The following TMEM132D variants were observed in gnomAD, a reference collection of about 807,000 sequenced individuals.
TMEM132D encodes the protein mature OL transmembrane protein.
TMEM132D carries 21 observed loss-of-function variants against 62.3 expected under a neutral mutation model. The ratio of observed to expected loss-of-function variants is 0.34; its 90% CI spans 0.24 to 0.49. The LOEUF (loss-of-function observed/expected upper bound fraction) is 0.49. TMEM132D is among the 20% of genes least tolerant of loss of function. The pLI, the probability that TMEM132D is intolerant of heterozygous loss-of-function variation, is 0.99. For synonymous variants in TMEM132D, 621 were observed against 575.6 expected, an observed-to-expected ratio of 1.08 and a Z score of -1.13; for missense variants, 1,346 against 1,402.8, an observed-to-expected ratio of 0.96 and a Z score of 0.65.
intron 5 of TMEM132D, among the ~76,000 whole-genome samples, chr12:129,195,590 G>C (rs577624513): frequency 6.6e-6 from 1 of 152,090 alleles, no homozygotes; most frequent in Non-Finnish European, 1.5e-5. Flanking sequence ...CACTTATCTG[G>C]TTCTAAATAG....
At chr12:129,460,186 A>T (rs917140923) in intron 3 of TMEM132D, among the ~76,000 whole-genome samples, 3 of 152,094 alleles carry the variant, frequency 2.0e-5, no homozygotes, top group African/African-American at 7.2e-5. Flanking sequence ...AGTGACCCCA[A>T]ATGTTAACTT....
At chr12:129,252,217 G>C (rs895783357) in intron 4 of TMEM132D, among the ~76,000 whole-genome samples, 2 of 152,096 alleles carry the variant, frequency 1.3e-5, no homozygotes, top group African/African-American at 4.8e-5. Context: ...CCAAAAGATG[G>C]AGCTGGGACA....
intron 3 of TMEM132D, among the ~76,000 whole-genome samples, chr12:129,501,212 G>A (rs1254180994): frequency 6.6e-6 from 1 of 152,152 alleles, no homozygotes; most frequent in East Asian, 1.9e-4. Context: ...CACAGAGATT[G>A]AAGGACTCAC....
intron 1 of TMEM132D, among the ~76,000 whole-genome samples, chr12:129,751,248 G>A: frequency 6.6e-6 from 1 of 152,152 alleles, no homozygotes; most frequent in Admixed American, 6.5e-5. Flanking sequence ...ATCATGGTGG[G>A]AGGCAAAGGA....
At chr12:129,704,741 G>C (rs982149018) in intron 1 of TMEM132D, among the ~76,000 whole-genome samples, 3 of 152,148 alleles carry the variant, frequency 2.0e-5, no homozygotes, top group Non-Finnish European at 4.4e-5. Flanking sequence ...TGAAGGATAT[G>C]TAAATAAACA....
intron 3 of TMEM132D, among the ~76,000 whole-genome samples, chr12:129,449,806 C>T (rs189980911): frequency 3.9e-5 from 6 of 152,286 alleles, no homozygotes; most frequent in East Asian, 3.9e-4. Context: ...ACAGCAACCC[C>T]GACTCCCCAG....
intron 4 of TMEM132D, among the ~76,000 whole-genome samples, chr12:129,265,108 T>G (rs1399474245): frequency 1.3e-5 from 2 of 152,112 alleles, no homozygotes; most frequent in Non-Finnish European, 2.9e-5. Context: ...TAATGGTTCC[T>G]ACAAAATCCA....
intron 2 of TMEM132D, among the ~76,000 whole-genome samples, chr12:129,640,412 A>G (rs1451199381): frequency 6.6e-6 from 1 of 152,144 alleles, no homozygotes; most frequent in Admixed American, 6.5e-5. Context: ...TCTACCCTCC[A>G]TGTTCCCATG....
chr12:129,622,489 C>A (rs568581463), intron 2 of TMEM132D, among the ~76,000 whole-genome samples: 1 of 152,174 alleles, frequency 6.6e-6, no homozygotes, highest in South Asian at 2.1e-4. Context: ...TCCAGCTGAC[C>A]GACTATATCC....
intron 3 of TMEM132D, among the ~76,000 whole-genome samples, chr12:129,444,107 C>A (rs958205802): frequency 1.3e-5 from 2 of 152,058 alleles, no homozygotes; most frequent in Non-Finnish European, 2.9e-5. Flanking sequence ...GAGAAAAATT[C>A]ACTCAAGATG....
At chr12:129,313,280 T>A (rs1030139872) in intron 4 of TMEM132D, among the ~76,000 whole-genome samples, 1 of 152,200 alleles carries the variant, frequency 6.6e-6, no homozygotes, top group African/African-American at 2.4e-5. Flanking sequence ...CCAAGCAGTA[T>A]ACACTGCACC....
chr12:129,728,918 C>T (rs1869127115), intron 1 of TMEM132D, among the ~76,000 whole-genome samples: 1 of 152,154 alleles, frequency 6.6e-6, no homozygotes, highest in Non-Finnish European at 1.5e-5. Context: ...GCTGAAGGCC[C>T]CTGAGCTCAA....
At chr12:129,310,124 G>A (rs1881937879) in intron 4 of TMEM132D, among the ~76,000 whole-genome samples, 1 of 152,152 alleles carries the variant, frequency 6.6e-6, no homozygotes, top group Non-Finnish European at 1.5e-5. Context: ...CAAGGAGTAA[G>A]ACTCAAGTTC....
chr12:129,450,475 A>G (rs551385162), intron 3 of TMEM132D, among the ~76,000 whole-genome samples: 7 of 152,300 alleles, frequency 4.6e-5, no homozygotes, highest in Admixed American at 1.3e-4. Flanking sequence ...AAGAGTTTCA[A>G]TGATGCTTGG....
At chr12:129,836,356 T>C (rs1052670829) in intron 1 of TMEM132D, among the ~76,000 whole-genome samples, 4 of 152,134 alleles carry the variant, frequency 2.6e-5, no homozygotes, top group African/African-American at 9.7e-5. Flanking sequence ...AGCATCCTCT[T>C]GAGACAGGAG....
chr12:129,650,043 C>T (rs534900926), intron 2 of TMEM132D, among the ~76,000 whole-genome samples: 1 of 152,056 alleles, frequency 6.6e-6, no homozygotes, highest in Non-Finnish European at 1.5e-5. Context: ...CTCCATATAA[C>T]TTGCATGGTG....
At chr12:129,271,087 G>C (rs1194857019) in intron 4 of TMEM132D, among the ~76,000 whole-genome samples, 1 of 152,032 alleles carries the variant, frequency 6.6e-6, no homozygotes, top group Non-Finnish European at 1.5e-5. Context: ...AGATTTTTTT[G>C]GAGTGCATTT....
At chr12:129,569,517 T>C (rs909860549) in intron 2 of TMEM132D, among the ~76,000 whole-genome samples, 3 of 152,196 alleles carry the variant, frequency 2.0e-5, no homozygotes, top group African/African-American at 7.2e-5. Flanking sequence ...GTACATGGTA[T>C]AGAGAGGCAA....
chr12:129,617,237 G>A (rs1878943609), intron 2 of TMEM132D, among the ~76,000 whole-genome samples: 1 of 152,208 alleles, frequency 6.6e-6, no homozygotes, highest in South Asian at 2.1e-4. Context: ...GCTTACAAAG[G>A]TTAATGGAAA....
Sources: gnomAD v4.1 joint callset for allele counts (sites outside exome capture counted in the v4.1 genomes callset) on GRCh38, gnomAD v4.1.1 for gene constraint, MANE v1.5 for transcripts, NCBI Gene and HGNC (gene_info 2026-07-23, HGNC 2026-07-21) for gene names.